GLCE: variants seen among roughly 807,000 people sequenced by gnomAD.
The protein encoded by GLCE is glucuronic acid epimerase.
In GLCE, 19 loss-of-function variants were observed where a neutral mutation model predicts 47.9. The observed-to-expected ratio is 0.40, with a 90% CI of 0.28 to 0.58. The LOEUF (loss-of-function observed/expected upper bound fraction) is 0.58. GLCE is among the 20% of genes least tolerant of loss of function. The pLI, the probability that GLCE is intolerant of heterozygous loss-of-function variation, is 0.48. For synonymous variants in GLCE, 245 were observed against 263.4 expected, an observed-to-expected ratio of 0.93 and a Z score of 0.68; for missense variants, 556 against 743.3, an observed-to-expected ratio of 0.75 and a Z score of 2.93.
intron 2 of GLCE, among the ~76,000 whole-genome samples, chr15:69,241,829 A>G (rs910941788): frequency 2.6e-5 from 4 of 152,164 alleles, no homozygotes; most frequent in African/African-American, 9.7e-5. Context: ...GCCCAGTGAA[A>G]TTTAGAGCCA....
chr15:69,198,308 T>C (rs1472854250), intron 1 of GLCE, among the ~76,000 whole-genome samples: 1 of 152,198 alleles, frequency 6.6e-6, no homozygotes, highest in Admixed American at 6.5e-5. Context: ...CTATATTAGT[T>C]ACCCATTGTT....
At chr15:69,174,604 A>G (rs968282618) in intron 1 of GLCE, among the ~76,000 whole-genome samples, 2 of 151,742 alleles carry the variant, frequency 1.3e-5, no homozygotes, top group African/African-American at 4.9e-5. Flanking sequence ...GAGTGAAACT[A>G]TGTCTAAAAA....
intron 3 of GLCE, among the ~76,000 whole-genome samples, chr15:69,258,824 GACTA>G (rs1221458486): frequency 2.0e-5 from 3 of 152,286 alleles, no homozygotes; most frequent in African/African-American, 4.8e-5. Context: ...CACAAAGGGT[GACTA>G]ACTATATTTC....
At chr15:69,226,009 C>G (rs951898775) in intron 2 of GLCE, among the ~76,000 whole-genome samples, 34 of 151,304 alleles carry the variant, frequency 2.2e-4, no homozygotes, top group African/African-American at 8.3e-4. Flanking sequence ...CATCAAACCT[C>G]CCTCCTCTAA....
chr15:69,249,390 T>C (rs1484461563), intron 2 of GLCE, among the ~76,000 whole-genome samples: 1 of 152,204 alleles, frequency 6.6e-6, no homozygotes, highest in African/African-American at 2.4e-5. Flanking sequence ...ATCTGTCCTT[T>C]AGAGACATGG....
intron 1 of GLCE, among the ~76,000 whole-genome samples, chr15:69,167,276 G>GTTT (rs2051518430): frequency 6.6e-6 from 1 of 152,208 alleles, no homozygotes; most frequent in Non-Finnish European, 1.5e-5. Flanking sequence ...GATACCAGAT[G>GTTT]CTTGATTTTC....
intron 1 of GLCE, among the ~76,000 whole-genome samples, chr15:69,162,748 A>G (rs1335136096): frequency 6.6e-6 from 1 of 152,040 alleles, no homozygotes; most frequent in Non-Finnish European, 1.5e-5. Context: ...AATTTTATTT[A>G]TTTATTTATT....
At chr15:69,201,613 G>A (rs539025521) in intron 1 of GLCE, among the ~76,000 whole-genome samples, 61 of 148,370 alleles carry the variant, frequency 4.1e-4, no homozygotes, top group Middle Eastern at 3.4e-3. Context: ...CACTACAGCA[G>A]TGTTTTACAT....
intron 1 of GLCE, among the ~76,000 whole-genome samples, chr15:69,192,257 G>A (rs575928572): frequency 2.4e-4 from 36 of 151,976 alleles, no homozygotes; most frequent in African/African-American, 8.7e-4. Context: ...GTGTGTGTGT[G>A]TTTCTCTCTG....
At chr15:69,225,689 G>A (rs1341403818) in intron 2 of GLCE, among the ~76,000 whole-genome samples, 7 of 152,170 alleles carry the variant, frequency 4.6e-5, no homozygotes, top group Admixed American at 2.0e-4. Context: ...CAGAGTGGTA[G>A]TGCTGATATT....
At chr15:69,192,012 T>A (rs1422156522) in intron 1 of GLCE, among the ~76,000 whole-genome samples, 1 of 152,178 alleles carries the variant, frequency 6.6e-6, no homozygotes, top group Admixed American at 6.6e-5. Context: ...ATGTTTTCTT[T>A]ATCATTATTT....
In GLCE at chr15:69,255,873, G is replaced by T. The variant is rs1187601660; in HGVS notation, c.67G>T (p.Val23Phe). The T allele has an allele frequency of 6.2e-7, 1 of 1,613,864 alleles. No homozygotes were observed. Among genetic ancestry groups the T allele is most frequent in the Admixed American group, 1.7e-5 (1 of 59,966 alleles). The change falls in exon 3 of 5, where the codon GTC (valine) becomes TTC (phenylalanine). Residue 23 changes from valine to phenylalanine, a missense_variant. Physicochemically the swap from Val to Phe is conservative, Grantham distance 50. Transcript: ENST00000261858. ...TATTATCTGCGCACTCTTCACTTTG[G>T]TCACAGTACTTTTGTGGAATAAGTG... ...LIIICALFTL[V>F]TVLLWNKCSS... is the part of the protein sequence containing the mutation.
chr15:69,254,361 C>A (rs1451472345), intron 2 of GLCE, among the ~76,000 whole-genome samples: 1 of 152,190 alleles, frequency 6.6e-6, no homozygotes, highest in African/African-American at 2.4e-5. Context: ...CCAGAAGAAG[C>A]AACAGCATCA....
intron 1 of GLCE, among the ~76,000 whole-genome samples, chr15:69,168,132 TA>T (rs2051532616): frequency 6.6e-6 from 1 of 152,086 alleles, no homozygotes; most frequent in Non-Finnish European, 1.5e-5. Context: ...TTTCTACTCC[TA>T]CTAAAAAAAA....
chr15:69,198,503 A>G (rs1292778636), intron 1 of GLCE, among the ~76,000 whole-genome samples: 2 of 152,130 alleles, frequency 1.3e-5, no homozygotes, highest in African/African-American at 4.8e-5. Flanking sequence ...GGTCACTCAT[A>G]AGGCAGGATT....
chr15:69,204,918 CAA>C (rs938310324), intron 1 of GLCE, among the ~76,000 whole-genome samples: 8 of 152,188 alleles, frequency 5.3e-5, no homozygotes, highest in East Asian at 1.9e-4. Context: ...GCAGAATAAA[CAA>C]GAGGATTTTT....
At chr15:69,248,127 A>T (rs540912766) in intron 2 of GLCE, among the ~76,000 whole-genome samples, 1 of 152,328 alleles carries the variant, frequency 6.6e-6, no homozygotes, top group South Asian at 2.1e-4. Context: ...GGGACTTGCA[A>T]AATTTCCTTC....
chr15:69,241,101 T>C, intron 2 of GLCE, among the ~76,000 whole-genome samples: 1 of 152,084 alleles, frequency 6.6e-6, no homozygotes, highest in East Asian at 1.9e-4. Context: ...TCATCAGGCA[T>C]CCAGGAAGGG....
At chr15:69,185,488 C>T (rs2051809222) in intron 1 of GLCE, among the ~76,000 whole-genome samples, 1 of 152,118 alleles carries the variant, frequency 6.6e-6, no homozygotes, top group Non-Finnish European at 1.5e-5. Context: ...CTAATTAATT[C>T]TAGCTCCACT....
Sources: gnomAD v4.1 joint callset for allele counts (sites outside exome capture counted in the v4.1 genomes callset) on GRCh38, gnomAD v4.1.1 for gene constraint, MANE v1.5 for transcripts, NCBI Gene and HGNC (gene_info 2026-07-23, HGNC 2026-07-21) for gene names.